Variants in CRIM1 observed in about 807,000 individuals in gnomAD.
CRIM1 encodes cysteine rich transmembrane BMP regulator 1.
In CRIM1, 32 loss-of-function variants were observed where a neutral mutation model predicts 116.4. The ratio of observed to expected loss-of-function variants is 0.27; its 90% CI spans 0.21 to 0.37. The LOEUF (loss-of-function observed/expected upper bound fraction) is 0.37. CRIM1 is among the 10% of genes least tolerant of loss of function. The pLI is 1.00. For synonymous variants in CRIM1, 590 were observed against 509.2 expected (o/e 1.16, Z -2.13); for missense variants, 1,331 against 1,354.8 (o/e 0.98, Z 0.28).
intron 2 of CRIM1, among the ~76,000 whole-genome samples, chr2:36,414,601 T>C (rs1344543143): frequency 6.6e-6 from 1 of 152,182 alleles, no homozygotes; most frequent in Non-Finnish European, 1.5e-5. Context: ...TGAGAAAGTC[T>C]CTCCTCTGAA....
intron 2 of CRIM1, among the ~76,000 whole-genome samples, chr2:36,401,217 C>A (rs921177206): frequency 6.6e-6 from 1 of 152,070 alleles, no homozygotes; most frequent in African/African-American, 2.4e-5. Context: ...AGGAGTTGGT[C>A]CTCAATTTTA....
At chr2:36,455,286 C>T (rs1461425862) in intron 4 of CRIM1, among the ~76,000 whole-genome samples, 2 of 152,156 alleles carry the variant, frequency 1.3e-5, no homozygotes, top group African/African-American at 4.8e-5. Flanking sequence ...ACTCTCAAGC[C>T]TCTCAGATTA....
At chr2:36,485,243 C>G (rs949373537) in intron 7 of CRIM1, among the ~76,000 whole-genome samples, 4 of 152,156 alleles carry the variant, frequency 2.6e-5, no homozygotes, top group African/African-American at 9.7e-5. Flanking sequence ...CTTCCTGCCA[C>G]CTGGCTTTCT....
At chr2:36,518,360 A>G (rs1259146534) in intron 12 of CRIM1, among the ~76,000 whole-genome samples, 1 of 152,224 alleles carries the variant, frequency 6.6e-6, no homozygotes, top group African/African-American at 2.4e-5. Context: ...TTTACTTTCT[A>G]AACATATTCT....
At chr2:36,435,368 G>C (rs944040594) in intron 2 of CRIM1, among the ~76,000 whole-genome samples, 1 of 152,048 alleles carries the variant, frequency 6.6e-6, no homozygotes, top group African/African-American at 2.4e-5. Context: ...GAGAGACAGA[G>C]AGAGAGAATG....
chr2:36,476,759 T>A (rs1183618745), intron 5 of CRIM1, 130 bp from the exon 6 acceptor site: 4 of 700,594 alleles, frequency 5.7e-6, no homozygotes. Flanking sequence ...TGAACTTACA[T>A]TGAGTTGAGT....
intron 2 of CRIM1, among the ~76,000 whole-genome samples, chr2:36,420,533 A>G (rs1673973452): frequency 6.6e-6 from 1 of 152,222 alleles, no homozygotes; most frequent in African/African-American, 2.4e-5. Context: ...ACACAAGGAC[A>G]CTAGATCCCT....
chr2:36,543,640 T>C (rs2125186069), intron 14 of CRIM1, among the ~76,000 whole-genome samples: 1 of 152,116 alleles, frequency 6.6e-6, no homozygotes, highest in African/African-American at 2.4e-5. Flanking sequence ...GTTAGCTGGA[T>C]GAAGTATAAA....
intron 5 of CRIM1, among the ~76,000 whole-genome samples, chr2:36,466,745 C>G (rs1432711184): frequency 2.0e-5 from 3 of 152,172 alleles, no homozygotes; most frequent in Non-Finnish European, 2.9e-5. Context: ...TCTTAGTTCC[C>G]TCTAGAGGTG....
intron 4 of CRIM1, among the ~76,000 whole-genome samples, chr2:36,444,191 A>G (rs1676073569): frequency 6.6e-6 from 1 of 152,326 alleles, no homozygotes; most frequent in East Asian, 1.9e-4. Context: ...TCAGTTCACT[A>G]TTATAAATGC....
At chr2:36,485,359 G>C (rs570225847) in intron 7 of CRIM1, among the ~76,000 whole-genome samples, 24 of 152,340 alleles carry the variant, frequency 1.6e-4, no homozygotes, top group African/African-American at 5.5e-4. Context: ...TTCAGTCTCA[G>C]CTCACCCAAT....
At position 36,437,289 on chromosome 2, in the gene CRIM1, G is replaced by A. The variant is rs554178339; in HGVS notation, c.506-3969G>A. On this transcript the variant is annotated intron_variant, in intron 2 of 16. Coordinates refer to ENST00000280527, the MANE Select transcript of CRIM1 (RefSeq NM_016441.3). ...ACTCCGGAGGCTGAGGCAGGAGAAT[G>A]GCGTGAACCGGGGAGGCAGAGCTTG... is the stretch of plus-strand genomic sequence containing the variant. 6.6e-5 allele frequency among the ~76,000 whole-genome samples: 10 copies of A among 152,080 alleles called. No individual in the cohort carries two copies. The East Asian group carries it at 1.9e-3, about 29-fold the overall frequency.
At position 36,442,735 on chromosome 2, in the gene CRIM1, G is replaced by GGTTAGTTTGCC; in HGVS notation, c.869+1_869+11dup. On this transcript the variant is annotated frameshift_variant and splice_region_variant. Coordinates refer to ENST00000280527, the MANE Select transcript of CRIM1 (RefSeq NM_016441.3). LOFTEE classifies it high-confidence loss of function. ...GATGGTTGCTGTACTTTGCCAACAA[G>GGTTAGTTTGCC]GTTAGTTTGCCATTAGTTTGTCAAG... 6.2e-7 allele frequency: 1 copy of GGTTAGTTTGCC among 1,614,106 alleles called. No individual in the cohort carries two copies. Among genetic ancestry groups the GGTTAGTTTGCC allele is most frequent in the South Asian group, 1.1e-5 (1 of 91,074 alleles).
intron 1 of CRIM1, among the ~76,000 whole-genome samples, chr2:36,372,340 A>T (rs1267590127): frequency 6.6e-6 from 1 of 152,294 alleles, no homozygotes; most frequent in Non-Finnish European, 1.5e-5. Context: ...TGGAGCCCCA[A>T]CTTGTTATTT....
rs376341260 is a variant in CRIM1 at position 36,517,451 on chromosome 2, C to T, written c.2115C>T (p.Ser705=). The T allele has an allele frequency of 3.2e-5, 52 of 1,614,090 alleles. No individual in the cohort carries two copies. Among genetic ancestry groups the T allele is most frequent in the East Asian group, 1.6e-4 (7 of 44,898 alleles). Reference sequence around the variant, plus strand: ...CCTGTACTCAGTGCACCTGCCACAGCGGACGGGTGCTGTGTGAGACAGAGG... The same window carrying T: ...CCTGTACTCAGTGCACCTGCCACAGTGGACGGGTGCTGTGTGAGACAGAGG... ...IDSCTQCTCH[S]GRVLCETEVC... Residue 705 remains serine (S), a synonymous_variant, in exon 12 of 17, where the codon AGC becomes AGT. Transcript: ENST00000280527.
chr2:36,443,351 T>C (rs1330719303), intron 4 of CRIM1, among the ~76,000 whole-genome samples: 1 of 152,142 alleles, frequency 6.6e-6, no homozygotes, highest in Non-Finnish European at 1.5e-5. Flanking sequence ...CCGGGTCCTG[T>C]CCTTTTTAGT....
intron 1 of CRIM1, among the ~76,000 whole-genome samples, chr2:36,357,206 A>G (rs1055416164): frequency 2.6e-5 from 4 of 152,222 alleles, no homozygotes; most frequent in African/African-American, 4.8e-5. Flanking sequence ...GGAATATGTC[A>G]GCCCAGGGGA....
At chr2:36,439,721 A>T (rs1194222171) in intron 2 of CRIM1, among the ~76,000 whole-genome samples, 1 of 152,024 alleles carries the variant, frequency 6.6e-6, no homozygotes, top group Non-Finnish European at 1.5e-5. Flanking sequence ...TTCTCACCAC[A>T]TTGTAACTGC....
At chr2:36,396,900 G>A (rs1672068784) in intron 2 of CRIM1, 113 bp downstream of exon 2, 5 of 908,356 alleles carry the variant, frequency 5.5e-6, no homozygotes, top group African/African-American at 3.3e-5. Context: ...GAGAGTGGTA[G>A]TTTGTATAAT....
Sources: gnomAD v4.1 joint callset for allele counts (sites outside exome capture counted in the v4.1 genomes callset) on GRCh38, gnomAD v4.1.1 for gene constraint, MANE v1.5 for transcripts, NCBI Gene and HGNC (gene_info 2026-07-23, HGNC 2026-07-21) for gene names.